PLCB1: variants seen among roughly 807,000 people sequenced by gnomAD.
PLCB1 encodes phospholipase C beta 1, also known as 1-phosphatidylinositol 4,5-bisphosphate phosphodiesterase beta-1.
Under a neutral mutation model 161.8 loss-of-function variants are expected in PLCB1, and 46 were observed. The observed-to-expected ratio is 0.28, with a 90% CI of 0.22 to 0.36. The LOEUF (loss-of-function observed/expected upper bound fraction) is 0.36. PLCB1 is among the 10% of genes least tolerant of loss of function. PLCB1 has a pLI of 1.00. For missense variants in PLCB1, 1,016 were observed against 1,472.5 expected (o/e 0.69, Z 5.07); for synonymous variants, 517 against 503.7 (o/e 1.03, Z -0.35).
chr20:8,494,216 A>G (rs867879173), intron 3 of PLCB1, among the ~76,000 whole-genome samples: 2 of 152,226 alleles, frequency 1.3e-5, no homozygotes, highest in African/African-American at 4.8e-5. Flanking sequence ...GGATAAACTT[A>G]AGATTACAAG....
intron 31 of PLCB1, among the ~76,000 whole-genome samples, chr20:8,867,151 C>T (rs532649083): frequency 3.9e-5 from 6 of 152,134 alleles, no homozygotes; most frequent in Non-Finnish European, 8.8e-5. Flanking sequence ...GGCTTTGAGT[C>T]GAGAAAGTGG....
chr20:8,798,131 A>C (rs1378376442), intron 31 of PLCB1, among the ~76,000 whole-genome samples: 1 of 151,766 alleles, frequency 6.6e-6, no homozygotes, highest in East Asian at 1.9e-4. Flanking sequence ...TGGGAGGTGG[A>C]GGCTGCAGTG....
At chr20:8,693,876 A>G (rs1990532149) in intron 10 of PLCB1, among the ~76,000 whole-genome samples, 1 of 152,220 alleles carries the variant, frequency 6.6e-6, no homozygotes, top group Admixed American at 6.5e-5. Context: ...TTGGGGCAGT[A>G]TTATGAATTA....
chr20:8,832,899 A>G (rs1318127233), intron 31 of PLCB1, among the ~76,000 whole-genome samples: 2 of 152,234 alleles, frequency 1.3e-5, no homozygotes, highest in Non-Finnish European at 2.9e-5. Flanking sequence ...TCATGTCGGC[A>G]GCTGGACAAC....
At chr20:8,826,785 C>T (rs750141237) in intron 31 of PLCB1, among the ~76,000 whole-genome samples, 3 of 152,106 alleles carry the variant, frequency 2.0e-5, no homozygotes, top group African/African-American at 7.2e-5. Context: ...AAAATATAAT[C>T]GCATCATTTT....
chr20:8,544,283 C>A (rs1985450802), intron 3 of PLCB1, among the ~76,000 whole-genome samples: 1 of 152,158 alleles, frequency 6.6e-6, no homozygotes, highest in African/African-American at 2.4e-5. Flanking sequence ...TGAGCATGTG[C>A]AAGATTTTGC....
At chr20:8,234,522 A>G (rs562714259) in intron 2 of PLCB1, among the ~76,000 whole-genome samples, 29 of 152,258 alleles carry the variant, frequency 1.9e-4, no homozygotes, top group African/African-American at 5.8e-4. Flanking sequence ...TTCCTTCTCA[A>G]TGCAGTACCA....
chr20:8,232,227 GAGAGA>G (rs1206860980), intron 2 of PLCB1, among the ~76,000 whole-genome samples: 1 of 97,728 alleles, frequency 1.0e-5, no homozygotes, highest in African/African-American at 4.8e-5. Flanking sequence ...CTTTAAAAAA[GAGAGA>G]GAGAGAGAGA....
chr20:8,576,502 A>G (rs1312353897), intron 3 of PLCB1, among the ~76,000 whole-genome samples: 1 of 152,232 alleles, frequency 6.6e-6, no homozygotes, highest in East Asian at 1.9e-4. Flanking sequence ...ATTTCCATAC[A>G]ATCATTTAAA....
At chr20:8,434,759 C>T (rs1047447641) in intron 3 of PLCB1, among the ~76,000 whole-genome samples, 1 of 152,150 alleles carries the variant, frequency 6.6e-6, no homozygotes, top group Non-Finnish European at 1.5e-5. Flanking sequence ...ATGAGCTTAA[C>T]CAGTACCTCC....
At chr20:8,869,106 T>G (rs1366920806) in intron 31 of PLCB1, among the ~76,000 whole-genome samples, 1 of 152,204 alleles carries the variant, frequency 6.6e-6, no homozygotes, top group East Asian at 1.9e-4. Flanking sequence ...GAGCACAGGA[T>G]CTTCAAAGAC....
At chr20:8,196,181 G>C (rs1159746636) in intron 2 of PLCB1, among the ~76,000 whole-genome samples, 2 of 152,086 alleles carry the variant, frequency 1.3e-5, no homozygotes, top group Non-Finnish European at 2.9e-5. Context: ...GATCTGGATG[G>C]GGACACAGAA....
intron 9 of PLCB1, among the ~76,000 whole-genome samples, chr20:8,677,145 G>A (rs1455154724): frequency 1.3e-5 from 2 of 152,160 alleles, no homozygotes; most frequent in Non-Finnish European, 2.9e-5. Context: ...TGTAATCCCA[G>A]CAATTTGGGA....
intron 3 of PLCB1, chr20:8,372,155 T>A (rs1256239463): frequency 6.6e-6 from 1 of 152,232 alleles, no homozygotes; most frequent in Non-Finnish European, 1.5e-5. Context: ...GTACTTTACA[T>A]ACTTCATTTC....
At chr20:8,473,006 G>T (rs1982121406) in intron 3 of PLCB1, among the ~76,000 whole-genome samples, 1 of 152,120 alleles carries the variant, frequency 6.6e-6, no homozygotes, top group Admixed American at 6.6e-5. Flanking sequence ...AACTTACCCT[G>T]CTAGGCTGCA....
chr20:8,757,248 C>A, intron 24 of PLCB1, 70 bp downstream of exon 24: 1 of 1,479,472 alleles, frequency 6.8e-7, no homozygotes. Context: ...CTGACGGAGG[C>A]GCTGTGATGT....
At chr20:8,713,166 TTC>T (rs1979111728) in intron 12 of PLCB1, among the ~76,000 whole-genome samples, 1 of 152,134 alleles carries the variant, frequency 6.6e-6, no homozygotes, top group South Asian at 2.1e-4. Context: ...TCTCAGTTGA[TTC>T]TGAGGCAGGT....
At chr20:8,775,608 G>A (rs961641525) in intron 27 of PLCB1, among the ~76,000 whole-genome samples, 1 of 152,180 alleles carries the variant, frequency 6.6e-6, no homozygotes, top group Non-Finnish European at 1.5e-5. Flanking sequence ...GTGTAATTCT[G>A]TTGTTCTAGG....
chr20:8,486,008 G>T (rs1982707563), intron 3 of PLCB1, among the ~76,000 whole-genome samples: 1 of 152,190 alleles, frequency 6.6e-6, no homozygotes, highest in Non-Finnish European at 1.5e-5. Context: ...GGAAGGGGAA[G>T]TAAACACATC....
Sources: allele counts gnomAD v4.1 joint callset (sites outside exome capture counted in the v4.1 genomes callset), GRCh38; gene constraint gnomAD v4.1.1; transcripts MANE v1.5; gene names NCBI Gene and HGNC (gene_info 2026-07-23, HGNC 2026-07-21).